KIFAP3: variants seen among roughly 807,000 people sequenced by gnomAD.
The protein encoded by KIFAP3 is kinesin associated protein 3.
A neutral mutation model predicts 106.5 loss-of-function variants in KIFAP3; 68 were observed. That is an observed-to-expected ratio of 0.64 (90% CI 0.53 to 0.78). The LOEUF is 0.78. Ranked by LOEUF, KIFAP3 falls within the 30% of genes least tolerant of loss-of-function variation. The pLI, the probability that KIFAP3 is intolerant of heterozygous loss-of-function variation, is 0.00. For missense variants in KIFAP3, 780 were observed against 941.8 expected, an observed-to-expected ratio of 0.83 and a Z score of 2.25; for synonymous variants, 320 against 311.5, an observed-to-expected ratio of 1.03 and a Z score of -0.29.
intron 17 of KIFAP3, among the ~76,000 whole-genome samples, chr1:169,964,230 C>T (rs1010127050): frequency 1.4e-5 from 2 of 140,636 alleles, no homozygotes; most frequent in Non-Finnish European, 3.1e-5. Context: ...TAATGTTAGC[C>T]ATTACCTTAA....
chr1:169,938,953 C>G (rs1663956680), intron 19 of KIFAP3, among the ~76,000 whole-genome samples: 1 of 152,114 alleles, frequency 6.6e-6, no homozygotes, highest in Admixed American at 6.6e-5. Context: ...GCAATTATAA[C>G]TGGAATATTT....
At chr1:170,022,275 C>G (rs530861766) in intron 9 of KIFAP3, among the ~76,000 whole-genome samples, 4 of 152,152 alleles carry the variant, frequency 2.6e-5, no homozygotes, top group African/African-American at 7.2e-5. Flanking sequence ...CTATAACACA[C>G]AACTTATTAG....
intron 10 of KIFAP3, among the ~76,000 whole-genome samples, chr1:170,011,750 A>G (rs1398810532): frequency 6.6e-6 from 1 of 152,036 alleles, no homozygotes; most frequent in Non-Finnish European, 1.5e-5. Flanking sequence ...TTTCCTTACT[A>G]TATCTTTTGT....
intron 2 of KIFAP3, among the ~76,000 whole-genome samples, chr1:170,054,580 T>C (rs774461985): frequency 1.5e-4 from 23 of 152,020 alleles, no homozygotes; most frequent in East Asian, 3.9e-4. Context: ...CAGTGATAGA[T>C]TGGATAAAGA....
chr1:169,993,618 GCTTCAGGC>G lies in KIFAP3; in HGVS notation c.1184-1371_1184-1364del. On this transcript the variant is annotated intron_variant, in intron 10 of 19. Coordinates refer to ENST00000361580, the MANE Select transcript of KIFAP3 (RefSeq NM_014970.4). ...TATTCAGTTTCCCAGGGTCTAGCAA[GCTTCAGGC>G]AGGTGATTTGCTTGTACCCAGAAGG... is the stretch of plus-strand genomic sequence containing the variant. Among the ~76,000 whole-genome samples the G allele has an allele frequency of 9.2e-5, 8 of 87,400 alleles. 4 individuals are homozygous for G. Among genetic ancestry groups the G allele is most frequent in the Non-Finnish European group, 1.5e-4 (6 of 41,274 alleles). 57.3% of individuals were successfully genotyped at this position (87,400 alleles called of 152,430 possible). A position where few individuals can be genotyped will look rare whatever the true frequency, so the allele number is the denominator to read the frequency against.
intron 1 of KIFAP3, among the ~76,000 whole-genome samples, chr1:170,074,013 G>A (rs1406687652): frequency 6.6e-6 from 1 of 152,004 alleles, no homozygotes; most frequent in East Asian, 1.9e-4. Context: ...CATTTCAAAA[G>A]CCCATGGCAA....
intron 3 of KIFAP3, among the ~76,000 whole-genome samples, chr1:170,039,710 A>G (rs1669877096): frequency 6.6e-6 from 1 of 152,270 alleles, no homozygotes; most frequent in Admixed American, 6.5e-5. Flanking sequence ...TTAACAAAGC[A>G]GAAAGAAAAA....
At position 170,035,447 on chromosome 1, in the gene KIFAP3, T is replaced by A; in HGVS notation, c.617+7A>T. ...TAGCCTTTTTATTTAATAATTTTTA[T>A]ACTTACCTGGAGAAACAAAAAAAGA... On this transcript the variant is annotated splice_region_variant and intron_variant, in intron 6 of 19. Coordinates refer to ENST00000361580, the MANE Select transcript of KIFAP3 (RefSeq NM_014970.4). 6.4e-7 allele frequency: 1 copy of A among 1,558,276 alleles called. No individual in the cohort carries two copies. Among genetic ancestry groups the A allele is most frequent in the Non-Finnish European group, 8.8e-7 (1 of 1,142,354 alleles).
At chr1:169,922,169 G>A (rs1035062604) in intron 19 of KIFAP3, among the ~76,000 whole-genome samples, 2 of 152,114 alleles carry the variant, frequency 1.3e-5, no homozygotes, top group Non-Finnish European at 2.9e-5. Context: ...GTAGTAAAGT[G>A]AGTTTTGCTG....
chr1:169,961,284 G>T, intron 17 of KIFAP3, 49 bp from the exon 18 acceptor site: 1 of 1,425,972 alleles, frequency 7.0e-7, no homozygotes, highest in Non-Finnish European at 9.7e-7. Context: ...AACTCACTTG[G>T]CACTCAGACG....
chr1:169,952,022 AAC>A (rs1197335077), intron 19 of KIFAP3, among the ~76,000 whole-genome samples: 2 of 151,986 alleles, frequency 1.3e-5, no homozygotes, highest in African/African-American at 4.8e-5. Context: ...ATAATGATTA[AAC>A]AGAGCCTCTA....
At chr1:170,074,014 C>T (rs1015072761) in intron 1 of KIFAP3, among the ~76,000 whole-genome samples, 2 of 152,120 alleles carry the variant, frequency 1.3e-5, no homozygotes, top group African/African-American at 4.8e-5. Context: ...ATTTCAAAAG[C>T]CCATGGCAAT....
chr1:170,026,296 G>A (rs914856284), intron 8 of KIFAP3, among the ~76,000 whole-genome samples: 9 of 152,250 alleles, frequency 5.9e-5, no homozygotes, highest in Admixed American at 5.9e-4. Flanking sequence ...ATTTGTTATA[G>A]CACCCCAGAA....
At chr1:169,982,241 C>T in intron 14 of KIFAP3, 144 bp from the exon 15 acceptor site, 5 of 884,794 alleles carry the variant, frequency 5.7e-6, no homozygotes, top group Non-Finnish European at 6.7e-6. Context: ...TAAATTTGTC[C>T]TTTTTCCAAA....
At chr1:170,048,252 A>T (rs1226680233) in intron 2 of KIFAP3, among the ~76,000 whole-genome samples, 1 of 151,258 alleles carries the variant, frequency 6.6e-6, no homozygotes, top group Non-Finnish European at 1.5e-5. Flanking sequence ...TAATGTTTAC[A>T]AGAAGAACTC....
In KIFAP3 at chr1:169,973,111, A is replaced by G. The variant is rs563884713; in HGVS notation, c.1898-513T>C. 2.1e-3 allele frequency among the ~76,000 whole-genome samples: 292 copies of G among 137,758 alleles called. 20 individuals are homozygous for G. The highest frequency in any genetic ancestry group is 7.3e-3 in the African/African-American group (262 of 35,922). 90.4% of individuals were successfully genotyped at this position (137,758 alleles called of 152,430 possible). A position where few individuals can be genotyped will look rare whatever the true frequency, so the allele number is the denominator to read the frequency against. On this transcript the variant is annotated intron_variant, in intron 16 of 19. Transcript: ENST00000361580. Reference sequence around the variant, plus strand: ...ATAATTTAAAAAATAGTGTGTATATATATATATATATAAACAACACAAATC... The same window carrying G: ...ATAATTTAAAAAATAGTGTGTATATGTATATATATATAAACAACACAAATC...
chr1:170,051,479 C>T (rs951122495), intron 2 of KIFAP3, among the ~76,000 whole-genome samples: 1 of 152,214 alleles, frequency 6.6e-6, no homozygotes, highest in African/African-American at 2.4e-5. Context: ...GAACTCAGCT[C>T]TGGATCAAGT....
rs368164572 is a variant in KIFAP3 at position 169,921,733 on chromosome 1, A to T, written c.2322T>A (p.Pro774=). 3.7e-6 allele frequency: 6 copies of T among 1,613,766 alleles called. No individual in the cohort carries two copies. Among genetic ancestry groups the T allele is most frequent in the Middle Eastern group, 3.3e-4 (2 of 6,080 alleles). The change falls in exon 20 of 20, where the codon CCT becomes CCA. Residue 774 remains proline (P), a synonymous_variant. Coordinates refer to ENST00000361580, the MANE Select transcript of KIFAP3 (RefSeq NM_014970.4). ...CAGGGCGGAATCCATATGCTGTGGC[A>T]GGGCGTCCAAGAATGCCAACTGGTT... ...FGQPVGILGR[P]ATAYGFRPDE...
chr1:170,064,146 G>C (rs1452783925), intron 1 of KIFAP3, among the ~76,000 whole-genome samples: 1 of 152,130 alleles, frequency 6.6e-6, no homozygotes, highest in East Asian at 1.9e-4. Context: ...CCAATAGCTT[G>C]AACATTATTT....
Sources: allele counts gnomAD v4.1 joint callset (sites outside exome capture counted in the v4.1 genomes callset), GRCh38; gene constraint gnomAD v4.1.1; transcripts MANE v1.5; gene names NCBI Gene and HGNC (gene_info 2026-07-23, HGNC 2026-07-21).